MBIP: variants seen among roughly 807,000 people sequenced by gnomAD.
The protein encoded by MBIP is MAP3K12-binding inhibitory protein 1.
A neutral mutation model predicts 45.7 loss-of-function variants in MBIP; 32 were observed. The observed-to-expected ratio is 0.70, with a 90% confidence interval of 0.53 to 0.94. The LOEUF (loss-of-function observed/expected upper bound fraction) is 0.94, where lower values mean the gene tolerates loss of function less well. MBIP is among the 40% of genes least tolerant of loss of function. The probability of loss-of-function intolerance (pLI) is 0.00; values close to 1 mark genes in which losing one functional copy is unlikely to be tolerated. For synonymous variants in MBIP, 145 were observed against 141.0 expected, an observed-to-expected ratio of 1.03 and a Z score of -0.20; for missense variants, 381 against 405.5, an observed-to-expected ratio of 0.94 and a Z score of 0.52.
At chr14:36,314,428 T>C in intron 4 of MBIP, 84 bp downstream of exon 4, 1 of 763,440 alleles carries the variant, frequency 1.3e-6, no homozygotes, top group Non-Finnish European at 2.1e-6. Flanking sequence ...CTAAAAGCTA[T>C]TCATTTAAAA....
chr14:36,311,603 T>G lies in MBIP; in HGVS notation c.760A>C (p.Asn254His), dbSNP rs747553601. Residue 254 changes from asparagine to histidine, a missense_variant, in exon 6 of 9, where the codon AAT becomes CAT. Coordinates refer to ENST00000416007, the MANE Select transcript of MBIP (RefSeq NM_016586.3). ...GNQAVEERLQ[N>H]IEAHLRLQTG... The stretch of plus-strand genomic sequence containing the variant: ...TGTAACCGCAAGTGGGCCTCAATAT[T>G]TTGTAGTCGTTCTTCTACAGCCTGA... 17 of 1,612,682 alleles carry G rather than the reference T, an allele frequency of 1.1e-5. 1 individual carries two copies. The South Asian group carries it at 1.9e-4, about 18-fold the overall frequency.
Position 36,311,559 on chromosome 14 carries a change from AGCACTTT to A in MBIP, c.790+7_790+13del, listed in dbSNP as rs1389320045. 2 of 1,594,666 alleles carry A rather than the reference AGCACTTT, an allele frequency of 1.3e-6. No individual in the cohort carries two copies. The highest frequency in any genetic ancestry group is 1.8e-5 in the Admixed American group (1 of 56,850). ...AAAGGTTCATTATGAGGTGCCACTT[AGCACTTT>A]GCTTACCTGTCTGTAACCGCAAGTG... On this transcript the variant is annotated splice_region_variant and intron_variant, in intron 6 of 8. Transcript: ENST00000416007.
intron 7 of MBIP, among the ~76,000 whole-genome samples, chr14:36,301,548 A>G (rs897630184): frequency 4.6e-5 from 7 of 152,258 alleles, no homozygotes; most frequent in Non-Finnish European, 8.8e-5. Context: ...CCATCTTGCC[A>G]TCTGCCTGGG....
chr14:36,317,936 A>C (rs1459346990), intron 1 of MBIP, among the ~76,000 whole-genome samples: 2 of 152,066 alleles, frequency 1.3e-5, no homozygotes. Context: ...AATAAATACT[A>C]TGTGACAGAA....
intron 7 of MBIP, chr14:36,305,046 C>T (rs947741952): frequency 2.3e-4 from 35 of 152,194 alleles, no homozygotes; most frequent in African/African-American, 7.7e-4. Flanking sequence ...GTAGTTTCTT[C>T]TGTATACTTT....
At chr14:36,319,132 A>C (rs1407567371) in intron 1 of MBIP, among the ~76,000 whole-genome samples, 3 of 152,192 alleles carry the variant, frequency 2.0e-5, no homozygotes, top group Non-Finnish European at 4.4e-5. Flanking sequence ...AAAATATTTC[A>C]AAAGAAATGT....
At chr14:36,317,908 T>C (rs551218940) in intron 1 of MBIP, among the ~76,000 whole-genome samples, 1 of 152,058 alleles carries the variant, frequency 6.6e-6, no homozygotes, top group African/African-American at 2.4e-5. Context: ...AGGTTACCAA[T>C]AAAAAGATAA....
chr14:36,316,773 A>C lies in MBIP; in HGVS notation c.169T>G (p.Trp57Gly). ...GCCGAGAGGCTCTGGAGCTTGTTCC[A>C]ATCGATTGTAATTTTCACCACATCA... ...RDDVVKITID[W>G]NKLQSLSAFQ... The change falls in exon 2 of 9, where the codon TGG (tryptophan) becomes GGG (glycine). Residue 57 changes from tryptophan to glycine, a missense_variant. Coordinates refer to ENST00000416007, the MANE Select transcript of MBIP (RefSeq NM_016586.3). 1 of 1,612,694 alleles carries C rather than the reference A, an allele frequency of 6.2e-7. No homozygotes were observed. Among genetic ancestry groups the C allele is most frequent in the East Asian group, 2.2e-5 (1 of 44,834 alleles).
At position 36,311,988 on chromosome 14, in the gene MBIP, G is replaced by A. The variant is rs1880239867; in HGVS notation, c.608C>T (p.Pro203Leu). The A allele has an allele frequency of 1.9e-6, 3 of 1,596,104 alleles. No homozygotes were observed. The South Asian group carries it at 3.5e-5, about 18-fold the overall frequency. Residue 203 changes from proline to leucine, a missense_variant, in exon 5 of 9, where the codon CCT becomes CTT. Pro to Leu is a moderately conservative substitution (Grantham distance 98). Transcript: ENST00000416007. ...TACGTGACTTTTAAATCCGGGGTAA[G>A]GGGTAAAAATCGCATCAGTTCTTGC... Reference protein sequence around the residue: ...SCARTDAIFTPYPGFKSHVKV... With the variant: ...SCARTDAIFTLYPGFKSHVKV...
At chr14:36,316,239 A>G (rs1880559285) in intron 2 of MBIP, among the ~76,000 whole-genome samples, 1 of 152,168 alleles carries the variant, frequency 6.6e-6, no homozygotes, top group South Asian at 2.1e-4. Context: ...CTTTCTTTTT[A>G]AAAACTATGC....
chr14:36,316,577 G>A (rs535419635), intron 2 of MBIP, 116 bp downstream of exon 2: 13 of 932,276 alleles, frequency 1.4e-5, no homozygotes, highest in African/African-American at 1.2e-4. Context: ...TGTAAATAAC[G>A]TTTTATTAGC....
intron 7 of MBIP, among the ~76,000 whole-genome samples, chr14:36,301,473 G>A (rs1879545622): frequency 6.6e-6 from 1 of 152,188 alleles, no homozygotes; most frequent in Non-Finnish European, 1.5e-5. Flanking sequence ...TTGAGAGAAA[G>A]CCCTTAAAGA....
chr14:36,314,780 T>C lies in MBIP; in HGVS notation c.385A>G (p.Lys129Glu), dbSNP rs1566555011. The C allele has an allele frequency of 2.5e-6, 4 of 1,613,712 alleles. No individual in the cohort carries two copies. The highest frequency in any genetic ancestry group is 2.7e-5 in the African/African-American group (2 of 75,010). The change falls in exon 3 of 9, where the codon AAG (lysine) becomes GAG (glutamate). Residue 129 changes from lysine (K) to glutamate (E), a missense_variant. Transcript: ENST00000416007. ...FSIGDLQEEE[K>E]HKESDLRDVK... ...TCTCTTAAATCACTTTCTTTGTGCT[T>C]TTCTTCCTCTTGTAGGTCGCCAATG...
chr14:36,302,603 A>G (rs1354585259), intron 7 of MBIP, among the ~76,000 whole-genome samples: 1 of 152,144 alleles, frequency 6.6e-6, no homozygotes, highest in East Asian at 1.9e-4. Context: ...ACTGTATCAT[A>G]GAACCAAAGC....
intron 7 of MBIP, among the ~76,000 whole-genome samples, chr14:36,306,113 T>G (rs900518837): frequency 6.6e-6 from 1 of 152,188 alleles, no homozygotes; most frequent in Non-Finnish European, 1.5e-5. Flanking sequence ...GATTTTAAAC[T>G]TCTGAGCATA....
At chr14:36,308,323 A>G in intron 6 of MBIP, 134 bp from the exon 7 acceptor site, 1 of 575,736 alleles carries the variant, frequency 1.7e-6, no homozygotes, top group Non-Finnish European at 3.0e-6. Flanking sequence ...AAACAAAAGT[A>G]AAACAGAATG....
chr14:36,304,833 G>A (rs879419194), intron 7 of MBIP, among the ~76,000 whole-genome samples: 2 of 152,084 alleles, frequency 1.3e-5, no homozygotes, highest in Non-Finnish European at 2.9e-5. Context: ...ACGCTTCAAT[G>A]TTACCCATGA....
chr14:36,316,383 C>G (rs1335648233), intron 2 of MBIP, among the ~76,000 whole-genome samples: 2 of 152,112 alleles, frequency 1.3e-5, no homozygotes, highest in Non-Finnish European at 2.9e-5. Flanking sequence ...GCATGACACA[C>G]ACCTGCCGTG....
chr14:36,316,950 T>C (rs1880611546), intron 1 of MBIP, 138 bp from the exon 2 acceptor site: 12 of 791,506 alleles, frequency 1.5e-5, no homozygotes, highest in South Asian at 2.3e-5. Flanking sequence ...TACACTGAAA[T>C]GCTCTACCCA....
Sources: allele counts gnomAD v4.1 joint callset (sites outside exome capture counted in the v4.1 genomes callset), GRCh38; gene constraint gnomAD v4.1.1; transcripts MANE v1.5; gene names NCBI Gene and HGNC (gene_info 2026-07-23, HGNC 2026-07-21).